FBXO22: variants seen among roughly 807,000 people sequenced by gnomAD.
FBXO22 encodes F-box protein 22, also known as F-box only protein 22.
Under a neutral mutation model 37.2 loss-of-function variants are expected in FBXO22, and 13 were observed. The observed-to-expected ratio is 0.35, with a 90% CI of 0.23 to 0.56. The LOEUF (loss-of-function observed/expected upper bound fraction) is 0.56, where lower values mean the gene tolerates loss of function less well. FBXO22 is among the 20% of genes least tolerant of loss of function. The pLI is 0.87. For synonymous variants in FBXO22, 189 were observed against 189.1 expected, an observed-to-expected ratio of 1.00 and a Z score of 0.00; for missense variants, 446 against 509.9, an observed-to-expected ratio of 0.87 and a Z score of 1.21.
intron 6 of FBXO22, among the ~76,000 whole-genome samples, chr15:75,931,205 A>G (rs2029995611): frequency 6.6e-6 from 1 of 152,198 alleles, no homozygotes; most frequent in Admixed American, 6.5e-5. Flanking sequence ...GACTTATAAC[A>G]TCTGAGGTGC....
intron 1 of FBXO22, 28 bp downstream of exon 1, chr15:75,904,131 C>T (rs1252745347): frequency 1.3e-6 from 2 of 1,522,310 alleles, no homozygotes; most frequent in African/African-American, 1.4e-5. Flanking sequence ...AGGCGGGAAG[C>T]TTGCCTGGGG....
At chr15:75,929,514 G>GTT (rs35139316) in intron 5 of FBXO22, among the ~76,000 whole-genome samples, 45 of 142,598 alleles carry the variant, frequency 3.2e-4, no homozygotes, top group Non-Finnish European at 4.3e-4. Context: ...GTAAACCAGT[G>GTT]TTTTTTTTTT....
chr15:75,922,112 G>A (rs765790722), intron 5 of FBXO22, among the ~76,000 whole-genome samples: 10 of 152,086 alleles, frequency 6.6e-5, no homozygotes. Context: ...TGCATTGTAC[G>A]TGATTGTATG....
At chr15:75,921,999 T>C (rs1900336068) in intron 5 of FBXO22, among the ~76,000 whole-genome samples, 1 of 152,176 alleles carries the variant, frequency 6.6e-6, no homozygotes, top group Admixed American at 6.5e-5. Context: ...AACTTTTTTT[T>C]TTTTTTAATA....
chr15:75,926,407 A>G (rs1900441458), intron 5 of FBXO22, among the ~76,000 whole-genome samples: 1 of 152,220 alleles, frequency 6.6e-6, no homozygotes, highest in African/African-American at 2.4e-5. Flanking sequence ...ATACAGAGCC[A>G]TCTGCTCTAT....
chr15:75,932,849 T>C lies in FBXO22; in HGVS notation c.959T>C (p.Ile320Thr), dbSNP rs754341985. 22 of 1,614,154 alleles carry C rather than the reference T, an allele frequency of 1.4e-5. No individual in the cohort carries two copies. The South Asian group carries it at 2.0e-4, about 14-fold the overall frequency. ...KAANIPEHNT[I>T]GFMFACVGRG... The stretch of plus-strand genomic sequence containing the variant: ...GCCAACATTCCAGAGCATAACACCA[T>C]TGGCTTCATGTTTGCATGCGTTGGC... Residue 320 changes from isoleucine (I) to threonine (T), a missense_variant, in exon 7 of 7, where the codon ATT (isoleucine) becomes ACT (threonine). Transcript: ENST00000308275.
At chr15:75,912,369 G>A (rs952787924) in intron 2 of FBXO22, among the ~76,000 whole-genome samples, 6 of 152,100 alleles carry the variant, frequency 3.9e-5, no homozygotes, top group Admixed American at 3.3e-4. Context: ...TGTACCTTTG[G>A]TAGAATTCGG....
chr15:75,913,375 G>A, intron 3 of FBXO22, 85 bp downstream of exon 3: 1 of 896,050 alleles, frequency 1.1e-6, no homozygotes, highest in Non-Finnish European at 1.8e-6. Context: ...TGTCCTGAGA[G>A]TTAACTGACT....
At chr15:75,911,217 T>G (rs1324429186) in intron 2 of FBXO22, among the ~76,000 whole-genome samples, 1 of 152,220 alleles carries the variant, frequency 6.6e-6, no homozygotes, top group African/African-American at 2.4e-5. Context: ...AGCTTTTTTC[T>G]TTTTGGTTAG....
Position 75,927,360 on chromosome 15 carries a change from T to C in FBXO22, c.629-2524T>C, listed in dbSNP as rs544320220. Among the ~76,000 whole-genome samples the C allele has an allele frequency of 6.6e-5, 10 of 152,298 alleles. No homozygotes were observed. The Middle Eastern group carries it at 0.01, about 155-fold the overall frequency. ...ATATTCAGGTAGGATGTTTAGTGGA[T>C]GTTGTAAAAGAGCATCTAGAGCTTA... On this transcript the variant is annotated intron_variant, in intron 5 of 6. Transcript: ENST00000308275.
chr15:75,916,198 C>T (rs1176763840), intron 4 of FBXO22, among the ~76,000 whole-genome samples: 1 of 151,862 alleles, frequency 6.6e-6, no homozygotes, highest in African/African-American at 2.4e-5. Flanking sequence ...ATGTTAACCT[C>T]TATTTATATA....
In FBXO22 at chr15:75,939,778, C is replaced by A. The variant is rs201306802; in HGVS notation, c.*6676C>A. The A allele has an allele frequency of 6.6e-6, 1 of 152,030 alleles. No individual in the cohort carries two copies. Among genetic ancestry groups the A allele is most frequent in the East Asian group, 1.9e-4 (1 of 5,192 alleles). 9.4% of individuals were successfully genotyped at this position (152,030 alleles called of 1,614,324 possible). A position where few individuals can be genotyped will look rare whatever the true frequency, so the allele number is the denominator to read the frequency against. On this transcript the variant is annotated 3_prime_UTR_variant, in exon 7 of 7. Transcript: ENST00000308275. Reference sequence around the variant, plus strand: ...CTACATTAACAGAACGAAGCGAGAACCAGATGATCATCTCAATTGATGCAG... The same window carrying A: ...CTACATTAACAGAACGAAGCGAGAAACAGATGATCATCTCAATTGATGCAG...
intron 2 of FBXO22, chr15:75,910,506 C>T (rs1365472483): frequency 2.0e-5 from 3 of 152,328 alleles, no homozygotes; most frequent in Admixed American, 6.5e-5. Context: ...ATTTGCATTT[C>T]TCTAATGACT....
At chr15:75,928,155 T>C (rs2029880413) in intron 5 of FBXO22, among the ~76,000 whole-genome samples, 1 of 151,644 alleles carries the variant, frequency 6.6e-6, no homozygotes, top group Non-Finnish European at 1.5e-5. Context: ...TCGGTGGGAG[T>C]GTAAATTAGT....
At chr15:75,924,660 T>C (rs1275412287) in intron 5 of FBXO22, among the ~76,000 whole-genome samples, 2 of 152,150 alleles carry the variant, frequency 1.3e-5, no homozygotes, top group African/African-American at 4.8e-5. Flanking sequence ...GAAGGGGCTC[T>C]AGACTCAGAG....
chr15:75,904,310 A>G, intron 1 of FBXO22, 181 bp from the exon 2 acceptor site: 1 of 1,108,260 alleles, frequency 9.0e-7, no homozygotes, highest in Non-Finnish European at 1.3e-6. Flanking sequence ...GTTCCCCTTA[A>G]GGTTTTCTCC....
intron 2 of FBXO22, among the ~76,000 whole-genome samples, chr15:75,905,118 C>T (rs1023260992): frequency 2.0e-5 from 3 of 152,024 alleles, no homozygotes; most frequent in Non-Finnish European, 4.4e-5. Flanking sequence ...CCACCGCGCC[C>T]GGCATGTTGG....
chr15:75,926,198 T>C (rs899385811), intron 5 of FBXO22, among the ~76,000 whole-genome samples: 1 of 152,244 alleles, frequency 6.6e-6, no homozygotes, highest in African/African-American at 2.4e-5. Context: ...TCAGATTCTA[T>C]GGCGGGTGGC....
In FBXO22 at chr15:75,932,990, G is replaced by T. The variant is rs141220458; in HGVS notation, c.1100G>T (p.Arg367Leu). The T allele has an allele frequency of 3.1e-6, 5 of 1,614,120 alleles. No individual in the cohort carries two copies. Residue 367 changes from arginine (R) to leucine (L), a missense_variant, in exon 7 of 7, where the codon CGG becomes CTG. Transcript: ENST00000308275. Reference sequence around the variant, plus strand: ...GGAAATGGAGAAATTGGATGTGATCGGATAGTCACTGGGAACTTTATATTG... The same window carrying T: ...GGAAATGGAGAAATTGGATGTGATCTGATAGTCACTGGGAACTTTATATTG... ...FFGNGEIGCD[R>L]IVTGNFILRK... is the part of the protein sequence containing the mutation.
Sources: gnomAD v4.1 joint callset for allele counts (sites outside exome capture counted in the v4.1 genomes callset) on GRCh38, gnomAD v4.1.1 for gene constraint, MANE v1.5 for transcripts, NCBI Gene and HGNC (gene_info 2026-07-23, HGNC 2026-07-21) for gene names.